Variants in COL5A1 observed in about 807,000 individuals in gnomAD.
The protein encoded by COL5A1 is collagen alpha-1(V) chain.
In COL5A1, 16 loss-of-function variants were observed where a neutral mutation model predicts 263.7. That is an observed-to-expected ratio of 0.06 (90% CI 0.04 to 0.09). COL5A1 has a LOEUF of 0.09. COL5A1 is among the 10% of genes least tolerant of loss of function. COL5A1 has a pLI of 1.00. For synonymous variants in COL5A1, 1,012 were observed against 1,004.5 expected (o/e 1.01, Z -0.14); for missense variants, 2,036 against 2,540.5 (o/e 0.80, Z 4.27).
At chr9:134,792,698 G>A (rs777682532) in intron 32 of COL5A1, among the ~76,000 whole-genome samples, 19 of 152,028 alleles carry the variant, frequency 1.2e-4, no homozygotes, top group Non-Finnish European at 2.1e-4. Context: ...TAGATATTCC[G>A]GCCAGATGGA....
At chr9:134,824,323 C>G (rs1332463566) in intron 61 of COL5A1, among the ~76,000 whole-genome samples, 1 of 152,212 alleles carries the variant, frequency 6.6e-6, no homozygotes, top group African/African-American at 2.4e-5. Context: ...ATGGCAGATG[C>G]AAGCCCAAGG....
rs762750454 is a variant in COL5A1, at chr9:134,768,452, G to C, written c.2275G>C (p.Asp759His). ...AGGCCTTCCAGGAATGCCCGGTGCT[G>C]ACGGACCCCCGGTGAGTAGCCCTGC... ...KPGLPGMPGADGPPGHPGKEG... is the reference protein window; with the variant it reads ...KPGLPGMPGAHGPPGHPGKEG... The change falls in exon 25 of 66, where the codon GAC becomes CAC. Residue 759 changes from aspartate to histidine, a missense_variant. This residue lies in a region of COL5A1 where 1,078 missense variants were observed against 1,521.4 expected (regional missense o/e 0.71). Transcript: ENST00000371817. The C allele has an allele frequency of 5.0e-6, 8 of 1,614,070 alleles. No homozygotes were observed. The highest frequency in any genetic ancestry group is 6.8e-6 in the Non-Finnish European group (8 of 1,180,004).
In COL5A1 at chr9:134,812,485, G is replaced by T. The variant is rs1462421867; in HGVS notation, c.3727G>T (p.Gly1243Ter). 6.2e-7 allele frequency: 1 copy of T among 1,614,032 alleles called. No homozygotes were observed. The highest frequency in any genetic ancestry group is 8.5e-7 in the Non-Finnish European group (1 of 1,180,032). Reference protein sequence around the residue: ...PGPPGEKGETGDVGQMGPPGP... With the variant: ...PGPPGEKGET ...ACCTCCAGGCGAGAAGGGTGAGACA[G>T]GAGACGTGGGCCAGATGGTAAGTGT... The change falls in exon 47 of 66, where the codon GGA becomes TGA. Residue 1243 changes from glycine (G) to a stop codon, truncating the protein, a stop_gained. Coordinates refer to ENST00000371817, the MANE Select transcript of COL5A1 (RefSeq NM_000093.5). LOFTEE classifies it high-confidence loss of function.
rs1831510437 is a variant in COL5A1, at chr9:134,647,420, ATG to A, written c.109+5128_109+5129del. Among the ~76,000 whole-genome samples the A allele has an allele frequency of 6.6e-6, 1 of 152,004 alleles. No homozygotes were observed. Among genetic ancestry groups the A allele is most frequent in the Non-Finnish European group, 1.5e-5 (1 of 67,986 alleles). The stretch of plus-strand genomic sequence containing the variant: ...GTCAGGCCGTGTGCACGTGTGGACA[ATG>A]TGTATATCTCCCCGCGATCTGCCTG... On this transcript the variant is annotated intron_variant, in intron 1 of 65. Coordinates refer to ENST00000371817, the MANE Select transcript of COL5A1 (RefSeq NM_000093.5). This position sits in a 1 kb window ranked among gnomAD's most constrained non-coding sequence, Gnocchi z 5.0.
chr9:134,764,908 A>T (rs1479021825), intron 20 of COL5A1, among the ~76,000 whole-genome samples: 1 of 152,204 alleles, frequency 6.6e-6, no homozygotes, highest in African/African-American at 2.4e-5. Flanking sequence ...AAGTGGGGGA[A>T]GGAGTTCTCT....
At chr9:134,766,960 C>T (rs1836692466) in intron 22 of COL5A1, 40 bp from the exon 23 acceptor site, 2 of 1,592,832 alleles carry the variant, frequency 1.3e-6, no homozygotes, top group African/African-American at 1.3e-5. Context: ...GATACAGTTC[C>T]CAGAGCCCCC....
At chr9:134,698,981 C>G (rs4401948) in intron 2 of COL5A1, among the ~76,000 whole-genome samples, 42,294 of 152,234 alleles carry the variant, frequency 0.28, 6,109 homozygotes, top group African/African-American at 0.36. Context: ...CCTTCTGGCC[C>G]GTTCTGAGCA....
intron 57 of COL5A1, among the ~76,000 whole-genome samples, chr9:134,819,365 C>T (rs796860999): frequency 7.9e-5 from 12 of 152,368 alleles, no homozygotes; most frequent in African/African-American, 2.9e-4. Flanking sequence ...GCTGCTCTCC[C>T]TGGGCTGAGC....
At chr9:134,780,954 C>T (rs1274570199) in intron 28 of COL5A1, among the ~76,000 whole-genome samples, 5 of 152,360 alleles carry the variant, frequency 3.3e-5, no homozygotes, top group East Asian at 3.9e-4. Context: ...ACTTGCTTTC[C>T]GTAAGGCATG....
intron 4 of COL5A1, among the ~76,000 whole-genome samples, chr9:134,713,390 C>T (rs946983206): frequency 6.6e-6 from 1 of 152,238 alleles, no homozygotes; most frequent in African/African-American, 2.4e-5. Flanking sequence ...TGTGTGCGCT[C>T]CACAGAGAAG....
intron 11 of COL5A1, among the ~76,000 whole-genome samples, chr9:134,748,285 A>T (rs1835643239): frequency 6.6e-6 from 1 of 152,014 alleles, no homozygotes; most frequent in Non-Finnish European, 1.5e-5. Context: ...TTACACATAT[A>T]TGCACATGCA....
chr9:134,718,411 G>A (rs752403031), intron 4 of COL5A1, among the ~76,000 whole-genome samples: 1 of 152,252 alleles, frequency 6.6e-6, no homozygotes, highest in Non-Finnish European at 1.5e-5. Context: ...TTATCAGAGC[G>A]AGGGATGGCA....
intron 59 of COL5A1, 98 bp from the exon 60 acceptor site, chr9:134,822,900 A>G: frequency 7.5e-7 from 1 of 1,328,972 alleles, no homozygotes; most frequent in Non-Finnish European, 1.1e-6. Context: ...CGGGTGGGAG[A>G]GGGGCGAGGG....
chr9:134,658,871 G>T (rs1292871590), intron 1 of COL5A1, among the ~76,000 whole-genome samples: 1 of 152,220 alleles, frequency 6.6e-6, no homozygotes, highest in African/African-American at 2.4e-5. Context: ...GTCAGTTAAG[G>T]TAGAAATTCA....
intron 48 of COL5A1, 105 bp downstream of exon 48, chr9:134,812,817 C>CAAGCGTGT: frequency 2.4e-6 from 2 of 826,892 alleles, no homozygotes; most frequent in Non-Finnish European, 4.1e-6. Context: ...CGCATGCACA[C>CAAGCGTGT]GCTTGTGGGG....
rs1832821183 is a variant in COL5A1 at position 134,680,504 on chromosome 9, C to G, written c.110-10408C>G. ...CATGGCTGAGGACACCAACCTGGTC[C>G]CCGCTGTGGAGGGCGGAGCTGGCAT... On this transcript the variant is annotated intron_variant, in intron 1 of 65. Coordinates refer to ENST00000371817, the MANE Select transcript of COL5A1 (RefSeq NM_000093.5). This position sits in a 1 kb window ranked among gnomAD's most constrained non-coding sequence, Gnocchi z 5.9. Among the ~76,000 whole-genome samples the G allele has an allele frequency of 1.3e-5, 2 of 152,334 alleles. No homozygotes were observed. The highest frequency in any genetic ancestry group is 2.1e-4 in the South Asian group (1 of 4,826).
chr9:134,685,367 CCATT>C (rs1833006809), intron 1 of COL5A1, among the ~76,000 whole-genome samples: 1 of 147,370 alleles, frequency 6.8e-6, no homozygotes, highest in East Asian at 2.1e-4. Flanking sequence ...CATCCACCAT[CCATT>C]CACCCATCCA....
At chr9:134,827,248 C>T (rs1048266996) in intron 63 of COL5A1, among the ~76,000 whole-genome samples, 1 of 152,218 alleles carries the variant, frequency 6.6e-6, no homozygotes, top group Non-Finnish European at 1.5e-5. Context: ...CCTTACCCCT[C>T]AATCACGCCC....
chr9:134,810,980 T>G (rs1009906069), intron 44 of COL5A1, among the ~76,000 whole-genome samples: 2 of 152,146 alleles, frequency 1.3e-5, no homozygotes, highest in Non-Finnish European at 2.9e-5. Context: ...GCAGGGGACA[T>G]GGTGCTGGGC....
Sources: allele counts gnomAD v4.1 joint callset (sites outside exome capture counted in the v4.1 genomes callset), GRCh38; gene constraint gnomAD v4.1.1; regional missense constraint gnomAD v4.1.1; non-coding constraint Gnocchi (gnomAD v3.1); transcripts MANE v1.5; gene names NCBI Gene and HGNC (gene_info 2026-07-23, HGNC 2026-07-21).